ASIC2: variants seen among roughly 807,000 people sequenced by gnomAD.
ASIC2 encodes the protein acid-sensing ion channel 2.
Under a neutral mutation model 57.3 loss-of-function variants are expected in ASIC2, and 25 were observed. The observed-to-expected ratio is 0.44, with a 90% CI of 0.32 to 0.61. The LOEUF is 0.61. ASIC2 is among the 20% of genes least tolerant of loss of function. The pLI is 0.06. For synonymous variants in ASIC2, 319 were observed against 307.5 expected (o/e 1.04, Z -0.39); for missense variants, 641 against 738.1 (o/e 0.87, Z 1.52).
chr17:33,601,470 C>T (rs1225172214), intron 1 of ASIC2, among the ~76,000 whole-genome samples: 1 of 152,210 alleles, frequency 6.6e-6, no homozygotes, highest in Non-Finnish European at 1.5e-5. Context: ...AAGTGCAGCT[C>T]GTACTCCTGC....
intron 1 of ASIC2, among the ~76,000 whole-genome samples, chr17:33,579,806 C>T (rs1042364934): frequency 2.6e-5 from 4 of 151,982 alleles, no homozygotes; most frequent in East Asian, 1.9e-4. Context: ...TGAAAAACAC[C>T]CCTTGGATTT....
chr17:33,382,391 CCT>C (rs1486462994), intron 1 of ASIC2, among the ~76,000 whole-genome samples: 2 of 152,114 alleles, frequency 1.3e-5, no homozygotes, highest in African/African-American at 4.8e-5. Flanking sequence ...CGGTGGGAGG[CCT>C]CTCTATCAGA....
chr17:33,531,988 G>T (rs1915066061), intron 1 of ASIC2, among the ~76,000 whole-genome samples: 1 of 152,124 alleles, frequency 6.6e-6, no homozygotes, highest in Non-Finnish European at 1.5e-5. Context: ...GTATGGGAAG[G>T]GTTGAGCGAT....
intron 1 of ASIC2, among the ~76,000 whole-genome samples, chr17:33,289,313 C>G (rs1199080757): frequency 6.6e-6 from 1 of 152,146 alleles, no homozygotes; most frequent in African/African-American, 2.4e-5. Context: ...CTTCAACTCC[C>G]TAACAATTGA....
intron 1 of ASIC2, among the ~76,000 whole-genome samples, chr17:33,932,071 C>G (rs1915943109): frequency 6.6e-6 from 1 of 152,126 alleles, no homozygotes; most frequent in Non-Finnish European, 1.5e-5. Flanking sequence ...CAGGTAGGTT[C>G]CCCAGAATAG....
intron 1 of ASIC2, among the ~76,000 whole-genome samples, chr17:33,150,642 A>G (rs1004573301): frequency 2.6e-5 from 4 of 151,532 alleles, no homozygotes; most frequent in Non-Finnish European, 5.9e-5. Context: ...TGAGGTCAGG[A>G]GTTTGAGACT....
intron 1 of ASIC2, among the ~76,000 whole-genome samples, chr17:34,034,553 GA>G (rs1475238378): frequency 1.3e-5 from 2 of 152,176 alleles, no homozygotes; most frequent in African/African-American, 4.8e-5. Flanking sequence ...ATTCAATTAG[GA>G]AAAGAGGAAG....
At chr17:33,435,808 T>C (rs888070418) in intron 1 of ASIC2, among the ~76,000 whole-genome samples, 3 of 152,214 alleles carry the variant, frequency 2.0e-5, no homozygotes, top group Non-Finnish European at 2.9e-5. Context: ...TGAACATTAG[T>C]TGCCTCCTGA....
intron 1 of ASIC2, among the ~76,000 whole-genome samples, chr17:33,379,008 T>C (rs934945660): frequency 3.9e-5 from 6 of 152,192 alleles, no homozygotes; most frequent in Non-Finnish European, 7.4e-5. Flanking sequence ...AGCCAGTACA[T>C]AGGGAGCATA....
At chr17:33,137,351 C>T (rs765460223) in intron 1 of ASIC2, among the ~76,000 whole-genome samples, 1 of 152,198 alleles carries the variant, frequency 6.6e-6, no homozygotes, top group Non-Finnish European at 1.5e-5. Flanking sequence ...GGTGGCAGAG[C>T]ATACACCACT....
intron 1 of ASIC2, chr17:34,118,879 G>A (rs1331607994): frequency 6.6e-6 from 1 of 152,324 alleles, no homozygotes; most frequent in African/African-American, 2.4e-5. Flanking sequence ...CCTTGAGCAT[G>A]GATAAGAATC....
chr17:33,092,985 A>T (rs565155255), intron 2 of ASIC2, among the ~76,000 whole-genome samples: 3 of 152,224 alleles, frequency 2.0e-5, no homozygotes, highest in Admixed American at 6.5e-5. Context: ...GACACTGGTA[A>T]ACACCAGCAC....
At chr17:33,064,144 CCTT>C (rs1287253654) in intron 3 of ASIC2, among the ~76,000 whole-genome samples, 5 of 152,202 alleles carry the variant, frequency 3.3e-5, no homozygotes, top group African/African-American at 9.7e-5. Flanking sequence ...TCGTCTGAAG[CCTT>C]CTTCTCTCAG....
intron 1 of ASIC2, among the ~76,000 whole-genome samples, chr17:33,560,848 T>A (rs1916050921): frequency 6.6e-6 from 1 of 152,202 alleles, no homozygotes; most frequent in Non-Finnish European, 1.5e-5. Flanking sequence ...GAAGCTTAGA[T>A]AAGTTACAGT....
intron 1 of ASIC2, among the ~76,000 whole-genome samples, chr17:33,634,514 CTTTT>C (rs71144891): frequency 1.2e-4 from 14 of 118,496 alleles, no homozygotes; most frequent in African/African-American, 1.3e-4. Context: ...ACTTTTTTTT[CTTTT>C]TTTTTTTTTT....
intron 1 of ASIC2, among the ~76,000 whole-genome samples, chr17:33,723,313 A>G (rs1346781765): frequency 6.6e-6 from 1 of 152,120 alleles, no homozygotes; most frequent in Admixed American, 6.6e-5. Context: ...CCATTTATTT[A>G]CTTTTTAAAA....
chr17:33,749,799 T>A (rs1215152332), intron 1 of ASIC2, among the ~76,000 whole-genome samples: 2 of 152,116 alleles, frequency 1.3e-5, no homozygotes, highest in African/African-American at 2.4e-5. Context: ...TATTTCTAAG[T>A]CCGTCCAAAG....
chr17:33,940,371 C>T (rs1379001734), intron 1 of ASIC2, among the ~76,000 whole-genome samples: 2 of 152,242 alleles, frequency 1.3e-5, no homozygotes, highest in East Asian at 3.9e-4. Flanking sequence ...CACCCTGAAG[C>T]ATCTCTATCA....
chr17:34,145,925 AT>A lies in ASIC2; in HGVS notation c.555+10052del, dbSNP rs552361145. Among the ~76,000 whole-genome samples the A allele has an allele frequency of 2.7e-4, 41 of 152,330 alleles. 1 individual carries two copies. The South Asian group carries it at 7.2e-3, about 27-fold the overall frequency. The stretch of plus-strand genomic sequence containing the variant: ...CAGGCTGATGCACATTCAGGAAGAA[AT>A]GGAAGTGAAGGCTGGTAGAAGGGTA... On this transcript the variant is annotated intron_variant, in intron 1 of 9. Coordinates refer to the ASIC2 transcript ENST00000359872.
Sources: allele counts gnomAD v4.1 joint callset (sites outside exome capture counted in the v4.1 genomes callset), GRCh38; gene constraint gnomAD v4.1.1; transcripts MANE v1.5; gene names NCBI Gene and HGNC (gene_info 2026-07-23, HGNC 2026-07-21).